ATP13A4: variants seen among roughly 807,000 people sequenced by gnomAD.
ATP13A4 encodes the protein probable cation-transporting ATPase 13A4.
A neutral mutation model predicts 142.5 loss-of-function variants in ATP13A4; 114 were observed. The observed-to-expected ratio is 0.80, with a 90% CI of 0.69 to 0.93. The LOEUF is 0.93. Ranked by LOEUF, ATP13A4 falls within the 40% of genes least tolerant of loss-of-function variation. The pLI, the probability that ATP13A4 is intolerant of heterozygous loss-of-function variation, is 0.00. For missense variants in ATP13A4, 1,392 were observed against 1,454.0 expected (o/e 0.96, Z 0.69); for synonymous variants, 488 against 514.8 (o/e 0.95, Z 0.70).
intron 1 of ATP13A4, among the ~76,000 whole-genome samples, chr3:193,526,615 T>A (rs1055189294): frequency 6.6e-6 from 1 of 152,106 alleles, no homozygotes; most frequent in African/African-American, 2.4e-5. Context: ...GAACTTAAAG[T>A]AAAATAACAA....
chr3:193,556,041 C>T (rs1272481123), upstream of ATP13A4, among the ~76,000 whole-genome samples: 1 of 152,156 alleles, frequency 6.6e-6, no homozygotes, highest in Non-Finnish European at 1.5e-5. Context: ...GACATAGTGG[C>T]TAAGGGCATA....
At chr3:193,479,966 C>A (rs976550825) in intron 8 of ATP13A4, among the ~76,000 whole-genome samples, 2 of 152,206 alleles carry the variant, frequency 1.3e-5, no homozygotes, top group South Asian at 2.1e-4. Context: ...TAAAGCCAAA[C>A]ACTTACAGCC....
chr3:193,513,613 C>A (rs911628661), intron 2 of ATP13A4, among the ~76,000 whole-genome samples: 2 of 152,204 alleles, frequency 1.3e-5, no homozygotes, highest in African/African-American at 4.8e-5. Context: ...AGCTGACAGT[C>A]CCGCAGGGAT....
At chr3:193,503,767 T>C (rs1360714787) in intron 2 of ATP13A4, among the ~76,000 whole-genome samples, 2 of 152,164 alleles carry the variant, frequency 1.3e-5, no homozygotes, top group East Asian at 3.9e-4. Flanking sequence ...CCTTAAGTCT[T>C]TACATGGCTG....
chr3:193,491,555 A>G (rs1405795300), intron 5 of ATP13A4, among the ~76,000 whole-genome samples, 157 bp from the exon 6 acceptor site: 1 of 152,164 alleles, frequency 6.6e-6, no homozygotes, highest in East Asian at 1.9e-4. Context: ...TTCTCAAAAT[A>G]ATGGGAGGTG....
chr3:193,559,806 T>C (rs181217144), upstream of ATP13A4, among the ~76,000 whole-genome samples: 20 of 152,268 alleles, frequency 1.3e-4, no homozygotes, highest in Admixed American at 1.0e-3. Flanking sequence ...TTTCCAAAAA[T>C]AGGAAATTAA....
intron 2 of ATP13A4, among the ~76,000 whole-genome samples, chr3:193,577,386 T>C (rs959643201): frequency 2.0e-5 from 3 of 152,242 alleles, no homozygotes; most frequent in African/African-American, 4.8e-5. Context: ...CTTACCATTC[T>C]TTCTTCTGAG....
intron 1 of ATP13A4, among the ~76,000 whole-genome samples, chr3:193,530,009 C>G (rs1722227968): frequency 6.6e-6 from 1 of 152,132 alleles, no homozygotes; most frequent in Non-Finnish European, 1.5e-5. Context: ...CCATGGCACC[C>G]CAGTTGGGTT....
At chr3:193,471,882 G>C (rs1560212346) in intron 8 of ATP13A4, among the ~76,000 whole-genome samples, 1 of 152,154 alleles carries the variant, frequency 6.6e-6, no homozygotes, top group Non-Finnish European at 1.5e-5. Flanking sequence ...GGCTGGGTGG[G>C]GTGGCAGGCT....
intron 2 of ATP13A4, among the ~76,000 whole-genome samples, chr3:193,575,333 G>A (rs1389805792): frequency 6.6e-6 from 1 of 152,118 alleles, no homozygotes. Context: ...GGAGGAGGAG[G>A]CTTTTCTGTA....
intron 1 of ATP13A4, among the ~76,000 whole-genome samples, chr3:193,531,549 C>T (rs1315077686): frequency 6.6e-6 from 1 of 152,226 alleles, no homozygotes; most frequent in Non-Finnish European, 1.5e-5. Context: ...AGAATGTGAG[C>T]TCCTTGAGGC....
chr3:193,559,346 T>C (rs750941720), upstream of ATP13A4, among the ~76,000 whole-genome samples: 6 of 152,208 alleles, frequency 3.9e-5, no homozygotes, highest in Non-Finnish European at 7.3e-5. Context: ...TTGTCATCAC[T>C]GGCAATAAGC....
At chr3:193,559,992 A>C (rs955523036) in intron 2 of ATP13A4, among the ~76,000 whole-genome samples, 3 of 152,140 alleles carry the variant, frequency 2.0e-5, no homozygotes, top group African/African-American at 7.2e-5. Flanking sequence ...TTAACCTAAA[A>C]ATTTGAATAT....
Position 193,445,046 on chromosome 3 carries a change from C to T in ATP13A4, c.2153-2490G>A, listed in dbSNP as rs763038294. Reference sequence around the variant, plus strand: ...AATCTAACAACCTGTCTAAGAAATCCGAGACACTGGACAGGAAAAGATCAG... The same window carrying T: ...AATCTAACAACCTGTCTAAGAAATCTGAGACACTGGACAGGAAAAGATCAG... On this transcript the variant is annotated intron_variant, in intron 18 of 29. Transcript: ENST00000342695. Among the ~76,000 whole-genome samples, 222 of 152,220 alleles carry T rather than the reference C, an allele frequency of 1.5e-3. 1 individual carries two copies. The highest frequency in any genetic ancestry group is 2.7e-3 in the Non-Finnish European group (182 of 68,018).
At chr3:193,544,719 C>G (rs1372340586) in intron 1 of ATP13A4, among the ~76,000 whole-genome samples, 1 of 152,152 alleles carries the variant, frequency 6.6e-6, no homozygotes, top group African/African-American at 2.4e-5. Context: ...TTTTGTTTCT[C>G]ACAAGTTCAA....
intron 1 of ATP13A4, among the ~76,000 whole-genome samples, chr3:193,539,841 G>A (rs1353320536): frequency 6.6e-6 from 1 of 152,072 alleles, no homozygotes; most frequent in African/African-American, 2.4e-5. Context: ...TTATTATTAG[G>A]CATATTTGCA....
chr3:193,567,961 T>C (rs1724175119), intron 2 of ATP13A4, among the ~76,000 whole-genome samples: 1 of 150,982 alleles, frequency 6.6e-6, no homozygotes, highest in Admixed American at 6.6e-5. Flanking sequence ...TCTTTTCTTT[T>C]CTTTTCTTTT....
At chr3:193,487,992 G>A (rs570501459) in intron 7 of ATP13A4, among the ~76,000 whole-genome samples, 24 of 152,286 alleles carry the variant, frequency 1.6e-4, no homozygotes, top group Admixed American at 1.4e-3. Context: ...GGCTGGGCAC[G>A]GTGGCTCACG....
At chr3:193,532,415 G>C (rs1722383034) in intron 1 of ATP13A4, among the ~76,000 whole-genome samples, 1 of 146,962 alleles carries the variant, frequency 6.8e-6, no homozygotes, top group South Asian at 2.3e-4. Context: ...CAAACTTACA[G>C]ATAATAGGCC....
Sources: allele counts gnomAD v4.1 joint callset (sites outside exome capture counted in the v4.1 genomes callset), GRCh38; gene constraint gnomAD v4.1.1; transcripts MANE v1.5; gene names NCBI Gene and HGNC (gene_info 2026-07-23, HGNC 2026-07-21).